The following CCDC171 variants were observed in gnomAD, a reference collection of about 807,000 sequenced individuals.
The protein encoded by CCDC171 is coiled-coil domain-containing protein 171.
Under a neutral mutation model 168.2 loss-of-function variants are expected in CCDC171, and 177 were observed. The observed-to-expected ratio is 1.05, with a 90% CI of 0.93 to 1.19. The LOEUF is 1.19. Ranked by LOEUF, CCDC171 falls within the 50% of genes most tolerant of loss-of-function variation. The pLI is 0.00. For missense variants in CCDC171, 1,991 were observed against 1,539.0 expected (o/e 1.29, Z -4.91); for synonymous variants, 687 against 540.8 (o/e 1.27, Z -3.75).
At chr9:15,814,680 TTA>T (rs1439047724) in intron 21 of CCDC171, among the ~76,000 whole-genome samples, 1 of 152,026 alleles carries the variant, frequency 6.6e-6, no homozygotes, top group African/African-American at 2.4e-5. Context: ...GATATTTTTA[TTA>T]TATATAGAAA....
At chr9:15,578,760 G>A in intron 3 of CCDC171, 89 bp from the exon 4 acceptor site, 3 of 1,058,140 alleles carry the variant, frequency 2.8e-6, no homozygotes, top group Non-Finnish European at 4.0e-6. Context: ...TATATATTAT[G>A]GAAACAAGTT....
At chr9:16,093,467 G>A in the CCDC171 span, among the ~76,000 whole-genome samples, 1 of 152,212 alleles carries the variant, frequency 6.6e-6, no homozygotes, top group African/African-American at 2.4e-5. Flanking sequence ...TTCTTTTGAA[G>A]GAAAGGTTGA....
the CCDC171 span, among the ~76,000 whole-genome samples, chr9:16,099,703 C>T: frequency 1.3e-5 from 2 of 152,178 alleles, no homozygotes; most frequent in African/African-American, 4.8e-5. Context: ...TGACCACAGT[C>T]TGCACTGATT....
chr9:15,907,370 T>C (rs1331586665), intron 24 of CCDC171, among the ~76,000 whole-genome samples: 1 of 152,230 alleles, frequency 6.6e-6, no homozygotes, highest in African/African-American at 2.4e-5. Flanking sequence ...TACAACCATC[T>C]GATCTTTGAC....
intron 24 of CCDC171, among the ~76,000 whole-genome samples, chr9:15,894,797 T>A (rs1432250076): frequency 1.3e-5 from 2 of 152,112 alleles, no homozygotes; most frequent in African/African-American, 4.8e-5. Context: ...CTCTCATTCC[T>A]TACTAAAATA....
intron 3 of CCDC171, among the ~76,000 whole-genome samples, chr9:15,990,232 G>A (rs1189629280): frequency 6.6e-6 from 1 of 152,038 alleles, no homozygotes; most frequent in Non-Finnish European, 1.5e-5. Context: ...CAGATCTCTT[G>A]GCAGAAACTC....
intron 6 of CCDC171, among the ~76,000 whole-genome samples, chr9:15,616,133 G>C (rs143054414): frequency 6.6e-6 from 1 of 151,940 alleles, no homozygotes; most frequent in Non-Finnish European, 1.5e-5. Flanking sequence ...TGTACTTTTA[G>C]TAGAGACAAG....
intron 25 of CCDC171, among the ~76,000 whole-genome samples, chr9:15,936,303 CA>C (rs978397494): frequency 2.0e-5 from 3 of 150,558 alleles, no homozygotes; most frequent in Admixed American, 6.6e-5. Flanking sequence ...CACCAAGCCA[CA>C]AAAAAAAAGT....
chr9:15,980,856 A>C (rs1209086728), intron 3 of CCDC171, among the ~76,000 whole-genome samples: 3 of 136,456 alleles, frequency 2.2e-5, no homozygotes, highest in African/African-American at 8.5e-5. Flanking sequence ...GTCCGTTTTC[A>C]TACTGCTGAT....
At chr9:15,650,064 C>T (rs1166006462) in intron 7 of CCDC171, among the ~76,000 whole-genome samples, 1 of 152,150 alleles carries the variant, frequency 6.6e-6, no homozygotes, top group Admixed American at 6.5e-5. Context: ...GAATACTATG[C>T]AGCCATAAAA....
At chr9:16,082,499 A>G in the CCDC171 span, among the ~76,000 whole-genome samples, 612 of 152,328 alleles carry the variant, frequency 4.0e-3, 8 homozygotes, top group East Asian at 0.044. Flanking sequence ...AAGCTTCATC[A>G]GTATTTTTGA....
chr9:15,880,534 C>G (rs899029937), intron 24 of CCDC171, among the ~76,000 whole-genome samples: 6 of 149,078 alleles, frequency 4.0e-5, no homozygotes, highest in African/African-American at 4.9e-5. Context: ...TCGGCTCATT[C>G]CAACCTCCCG....
chr9:15,629,545 G>T (rs567430354), intron 7 of CCDC171, among the ~76,000 whole-genome samples: 1 of 152,148 alleles, frequency 6.6e-6, no homozygotes, highest in Non-Finnish European at 1.5e-5. Flanking sequence ...CCAAATCTAC[G>T]TCTGATGGGT....
intron 18 of CCDC171, among the ~76,000 whole-genome samples, chr9:15,756,921 C>A (rs1428780524): frequency 6.6e-6 from 1 of 152,196 alleles, no homozygotes; most frequent in African/African-American, 2.4e-5. Context: ...CTTTCACCTT[C>A]CACTGTAATT....
chr9:15,626,264 G>A (rs1286864084), intron 7 of CCDC171, among the ~76,000 whole-genome samples: 1 of 152,168 alleles, frequency 6.6e-6, no homozygotes, highest in African/African-American at 2.4e-5. Context: ...TCTGAAAATG[G>A]ACAATTTGAC....
At chr9:16,011,304 C>A (rs1832862005) in intron 3 of CCDC171, among the ~76,000 whole-genome samples, 1 of 152,140 alleles carries the variant, frequency 6.6e-6, no homozygotes. Flanking sequence ...CTATTCTATC[C>A]TGTTTATGCT....
At chr9:16,063,908 C>T (rs1226867474), downstream of CCDC171, among the ~76,000 whole-genome samples, 2 of 152,176 alleles carry the variant, frequency 1.3e-5, no homozygotes, top group African/African-American at 4.8e-5. Context: ...ATGCAGAGAC[C>T]TTCTTATTGT....
At position 15,692,666 on chromosome 9, in the gene CCDC171, T is replaced by C. The variant is rs367653329; in HGVS notation, c.1216-2569T>C. Among the ~76,000 whole-genome samples the C allele has an allele frequency of 3.1e-4, 47 of 151,550 alleles. No individual in the cohort carries two copies. The East Asian group carries it at 9.3e-3, about 30-fold the overall frequency. ...CCTCAGCCTCCCAAGTAGCTGGGACTACAGGCGCCCGCCACCATGCCCAGC... is the reference window on the plus strand; with the variant it reads ...CCTCAGCCTCCCAAGTAGCTGGGACCACAGGCGCCCGCCACCATGCCCAGC... On this transcript the variant is annotated intron_variant, in intron 10 of 25. Coordinates refer to ENST00000380701, the MANE Select transcript of CCDC171 (RefSeq NM_173550.4).
At chr9:15,865,566 T>C (rs2131061211) in intron 23 of CCDC171, among the ~76,000 whole-genome samples, 1 of 152,180 alleles carries the variant, frequency 6.6e-6, no homozygotes, top group East Asian at 1.9e-4. Flanking sequence ...ATGAAGACTT[T>C]TATGATGATC....
Sources: gnomAD v4.1 joint callset for allele counts (sites outside exome capture counted in the v4.1 genomes callset) on GRCh38, gnomAD v4.1.1 for gene constraint, MANE v1.5 for transcripts, NCBI Gene and HGNC (gene_info 2026-07-23, HGNC 2026-07-21) for gene names.